Variants in WWP2 observed in about 807,000 individuals in gnomAD.
The protein encoded by WWP2 is WW domain containing E3 ubiquitin protein ligase 2.
Under a neutral mutation model 121.0 loss-of-function variants are expected in WWP2, and 57 were observed. The observed-to-expected ratio is 0.47, with a 90% CI of 0.38 to 0.59. The LOEUF (loss-of-function observed/expected upper bound fraction) is 0.59, where lower values mean the gene tolerates loss of function less well. Ranked by LOEUF, WWP2 falls within the 20% of genes least tolerant of loss-of-function variation. The pLI, the probability that WWP2 is intolerant of heterozygous loss-of-function variation, is 0.00. For synonymous variants in WWP2, 449 were observed against 441.3 expected, an observed-to-expected ratio of 1.02 and a Z score of -0.22; for missense variants, 962 against 1,158.9, an observed-to-expected ratio of 0.83 and a Z score of 2.47.
chr16:69,879,058 G>A (rs1597098537), intron 7 of WWP2, among the ~76,000 whole-genome samples: 3 of 151,956 alleles, frequency 2.0e-5, no homozygotes, highest in African/African-American at 7.3e-5. Flanking sequence ...ACCTCGTTGC[G>A]TTTTCTCATT....
chr16:69,860,571 C>G (rs2057398378), intron 6 of WWP2, among the ~76,000 whole-genome samples: 1 of 152,138 alleles, frequency 6.6e-6, no homozygotes, highest in Non-Finnish European at 1.5e-5. Context: ...GAATGCCGGG[C>G]AAGTAGATCA....
In WWP2 at chr16:69,799,569, G is replaced by A; in HGVS notation, c.340+274G>A. The A allele has an allele frequency of 2.8e-6, 1 of 359,140 alleles. No homozygotes were observed. The allele number at this position is 359,140 out of a possible 1,614,324, so 22.2% of individuals were successfully genotyped here. On this transcript the variant is annotated intron_variant, in intron 4 of 23. Transcript: ENST00000359154. The surrounding 1 kb of genome is among the most constrained non-coding windows in gnomAD (Gnocchi z 4.5). The stretch of plus-strand genomic sequence containing the variant: ...GACTGGAAACTTTCTGTCTGCCTCT[G>A]CTCCTCTTCCCGTTGCAGGAGATGT...
At chr16:69,847,480 G>T (rs2057105520) in intron 6 of WWP2, among the ~76,000 whole-genome samples, 1 of 150,784 alleles carries the variant, frequency 6.6e-6, no homozygotes, top group African/African-American at 2.4e-5. Flanking sequence ...TGCAAACTCA[G>T]CTCACTGCAA....
chr16:69,804,771 A>G (rs1369517228), intron 4 of WWP2, among the ~76,000 whole-genome samples: 1 of 152,164 alleles, frequency 6.6e-6, no homozygotes, highest in Non-Finnish European at 1.5e-5. Context: ...ATGTAAAGTT[A>G]ACGTAATGGG....
intron 4 of WWP2, among the ~76,000 whole-genome samples, chr16:69,806,451 A>G (rs2056275934): frequency 6.6e-6 from 1 of 152,186 alleles, no homozygotes; most frequent in Admixed American, 6.5e-5. Flanking sequence ...GTGCTTTCCA[A>G]CTTTGGGAAC....
At position 69,941,052 on chromosome 16, in the gene WWP2, A is replaced by C. The variant is rs890678100; in HGVS notation, c.*1112A>C. 1.3e-5 allele frequency: 2 copies of C among 152,742 alleles called. No homozygotes were observed. The highest frequency in any genetic ancestry group is 4.8e-5 in the African/African-American group (2 of 41,438). 9.5% of individuals were successfully genotyped at this position (152,742 alleles called of 1,614,324 possible). On this transcript the variant is annotated 3_prime_UTR_variant, in exon 24 of 24. Coordinates refer to ENST00000359154, the MANE Select transcript of WWP2 (RefSeq NM_001270454.2). ...TGTTCAGAATGGAGTGCAGCCCGCCAGCGGAAAGTGTTCATTCTGCATAGG... is the reference window on the plus strand; with the variant it reads ...TGTTCAGAATGGAGTGCAGCCCGCCCGCGGAAAGTGTTCATTCTGCATAGG...
intron 7 of WWP2, among the ~76,000 whole-genome samples, chr16:69,883,426 A>ACACACT (rs1335132922): frequency 6.6e-6 from 1 of 150,770 alleles, no homozygotes; most frequent in Non-Finnish European, 1.5e-5. Context: ...ACACACACAC[A>ACACACT]CTCATTTACT....
chr16:69,929,436 C>T lies in WWP2; in HGVS notation c.1235-12C>T. On this transcript the variant is annotated splice_polypyrimidine_tract_variant and intron_variant, in intron 11 of 23. Transcript: ENST00000359154. ...TTGAATCTGATGTTCTTTCTTTCTT[C>T]TCATGTGGCAGAGAAGAGACAGGAC... 6.2e-7 allele frequency: 1 copy of T among 1,612,210 alleles called. No individual in the cohort carries two copies. The highest frequency in any genetic ancestry group is 8.5e-7 in the Non-Finnish European group (1 of 1,178,404).
At chr16:69,878,373 A>G (rs2057770800) in intron 7 of WWP2, among the ~76,000 whole-genome samples, 1 of 152,240 alleles carries the variant, frequency 6.6e-6, no homozygotes, top group Admixed American at 6.5e-5. Flanking sequence ...GTAAAAAATC[A>G]CATAGTGCAA....
chr16:69,892,969 C>T (rs2058052391), intron 8 of WWP2, among the ~76,000 whole-genome samples: 1 of 152,198 alleles, frequency 6.6e-6, no homozygotes, highest in Non-Finnish European at 1.5e-5. Context: ...AATATGACCC[C>T]ACCTACCCTT....
At position 69,908,988 on chromosome 16, in the gene WWP2, A is replaced by G. The variant is rs1484764140; in HGVS notation, c.1004+138A>G. ...TCCGGGTCACTTGATTGCTTTTCCTATCCACTTACCTTAATATTGCTCCCA... is the reference window on the plus strand; with the variant it reads ...TCCGGGTCACTTGATTGCTTTTCCTGTCCACTTACCTTAATATTGCTCCCA... On this transcript the variant is annotated intron_variant, in intron 9 of 23. Coordinates refer to ENST00000359154, the MANE Select transcript of WWP2 (RefSeq NM_001270454.2). 3.4e-6 allele frequency: 5 copies of G among 1,474,726 alleles called. No individual in the cohort carries two copies. In the African/African-American group the frequency reaches 7.1e-5, roughly 21 times the overall value. 91.4% of individuals were successfully genotyped at this position (1,474,726 alleles called of 1,614,324 possible).
chr16:69,891,928 C>T (rs1426814771), intron 8 of WWP2, among the ~76,000 whole-genome samples: 3 of 152,226 alleles, frequency 2.0e-5, no homozygotes, highest in African/African-American at 7.2e-5. Flanking sequence ...GCCTCTGGGC[C>T]TCCAGACTGT....
At chr16:69,898,642 G>A (rs1026027691) in intron 8 of WWP2, among the ~76,000 whole-genome samples, 2 of 152,110 alleles carry the variant, frequency 1.3e-5, no homozygotes, top group African/African-American at 4.8e-5. Context: ...ATTTATTTTT[G>A]TCCATTTTTT....
chr16:69,879,099 G>A (rs922481255), intron 7 of WWP2, among the ~76,000 whole-genome samples: 2 of 151,788 alleles, frequency 1.3e-5, no homozygotes, highest in African/African-American at 2.4e-5. Context: ...CTTTTTTCTT[G>A]TGTCTCTTTT....
intron 6 of WWP2, among the ~76,000 whole-genome samples, chr16:69,868,660 T>TGC (rs1015873503): frequency 3.5e-4 from 30 of 85,966 alleles, no homozygotes; most frequent in African/African-American, 1.7e-3. Context: ...CATACACATG[T>TGC]GCACACACAC....
intron 8 of WWP2, among the ~76,000 whole-genome samples, chr16:69,898,937 C>T (rs1411294113): frequency 6.6e-6 from 1 of 152,174 alleles, no homozygotes; most frequent in Non-Finnish European, 1.5e-5. Flanking sequence ...CTCCTGACCT[C>T]AGGTGATCCA....
At chr16:69,872,626 G>A (rs6499268) in intron 7 of WWP2, among the ~76,000 whole-genome samples, 103,287 of 152,156 alleles carry the variant, frequency 0.68, 36,742 homozygotes, top group East Asian at 0.9. Flanking sequence ...CTAAGGAAAT[G>A]TAGGACTAAG....
At chr16:69,870,298 C>CTTTTTTTTTTTTT (rs5817675) in intron 6 of WWP2, among the ~76,000 whole-genome samples, 2 of 122,856 alleles carry the variant, frequency 1.6e-5, no homozygotes, top group South Asian at 5.3e-4. Flanking sequence ...TTTATTTATC[C>CTTTTTTTTTTTTT]TTTTTTTTTT....
At chr16:69,849,212 C>T (rs2057151652) in intron 6 of WWP2, among the ~76,000 whole-genome samples, 1 of 152,094 alleles carries the variant, frequency 6.6e-6, no homozygotes, top group Non-Finnish European at 1.5e-5. Flanking sequence ...AATTGGGAAG[C>T]AGAGCTAGCA....
Sources: gnomAD v4.1 joint callset for allele counts (sites outside exome capture counted in the v4.1 genomes callset) on GRCh38, gnomAD v4.1.1 for gene constraint, Gnocchi (gnomAD v3.1) non-coding constraint, MANE v1.5 for transcripts, NCBI Gene and HGNC (gene_info 2026-07-23, HGNC 2026-07-21) for gene names.